ZNF704: variants seen among roughly 807,000 people sequenced by gnomAD.
ZNF704 encodes zinc finger protein 704, also known as glucocorticoid induced gene 1.
ZNF704 carries 10 observed loss-of-function variants against 44.7 expected under a neutral mutation model. The observed-to-expected ratio is 0.22, with a 90% CI of 0.14 to 0.38. The LOEUF (loss-of-function observed/expected upper bound fraction) is 0.38. Among genes scored for constraint, ZNF704 ranks in the 10% least tolerant of loss-of-function variants. The pLI is 1.00. For synonymous variants in ZNF704, 211 were observed against 207.6 expected (o/e 1.02, Z -0.14); for missense variants, 390 against 545.5 (o/e 0.71, Z 2.84).
chr8:80,786,084 A>C (rs1807609125), intron 2 of ZNF704, among the ~76,000 whole-genome samples: 1 of 151,422 alleles, frequency 6.6e-6, no homozygotes, highest in South Asian at 2.1e-4. Flanking sequence ...ACACGGGGAA[A>C]CTCTGTCTCT....
intron 1 of ZNF704, among the ~76,000 whole-genome samples, chr8:80,837,475 G>T (rs1018780755): frequency 1.2e-4 from 18 of 152,092 alleles, no homozygotes. Context: ...AGCAAGACAT[G>T]GTTAAAGTTA....
intron 7 of ZNF704, among the ~76,000 whole-genome samples, chr8:80,649,354 A>G (rs1369083685): frequency 6.6e-6 from 1 of 152,196 alleles, no homozygotes; most frequent in Non-Finnish European, 1.5e-5. Context: ...TGTGAGCCGA[A>G]GCAGGATGAG....
intron 1 of ZNF704, among the ~76,000 whole-genome samples, chr8:80,859,113 A>G (rs1337833868): frequency 6.6e-6 from 1 of 152,184 alleles, no homozygotes; most frequent in Non-Finnish European, 1.5e-5. Context: ...TTTGCTTCAT[A>G]TATTTTGAAG....
At chr8:80,805,886 A>C (rs1807981911) in intron 2 of ZNF704, among the ~76,000 whole-genome samples, 1 of 152,170 alleles carries the variant, frequency 6.6e-6, no homozygotes, top group Non-Finnish European at 1.5e-5. Flanking sequence ...CACTGGTTGC[A>C]TTGATCTCTC....
At chr8:80,851,194 C>A (rs1444517372) in intron 1 of ZNF704, among the ~76,000 whole-genome samples, 1 of 152,068 alleles carries the variant, frequency 6.6e-6, no homozygotes, top group Non-Finnish European at 1.5e-5. Context: ...CTAGAAATAC[C>A]ATTTGACCCA....
chr8:80,687,416 G>A lies in ZNF704; in HGVS notation c.368C>T (p.Ser123Phe). ...CCAGTAGCCGCTGCTGCTGGTGCTG[G>A]AAGGCACGCAGCCGCCCTCCTTCCA... ...GSWKEGGCVPSSTSSSGYWSW... is the reference protein window; with the variant it reads ...GSWKEGGCVPFSTSSSGYWSW... The change falls in exon 4 of 9, where the codon TCC becomes TTC. Residue 123 changes from serine (S) to phenylalanine (F), a missense_variant. Physicochemically the swap from Ser to Phe is radical, Grantham distance 155. Transcript: ENST00000327835. 2 of 1,598,014 alleles carry A rather than the reference G, an allele frequency of 1.3e-6. No homozygotes were observed. Among genetic ancestry groups the A allele is most frequent in the Non-Finnish European group, 1.7e-6 (2 of 1,174,186 alleles).
chr8:80,767,511 C>T (rs894899826), intron 2 of ZNF704, among the ~76,000 whole-genome samples: 7 of 152,242 alleles, frequency 4.6e-5, no homozygotes, highest in African/African-American at 1.7e-4. Context: ...TCGTTTTCTA[C>T]TCACATATAA....
chr8:80,795,796 T>C (rs1293049151), intron 2 of ZNF704, among the ~76,000 whole-genome samples: 3 of 152,280 alleles, frequency 2.0e-5, no homozygotes, highest in South Asian at 2.1e-4. Flanking sequence ...CACCATTTTA[T>C]GATAAATATG....
chr8:80,818,982 A>AT (rs1330252589), intron 2 of ZNF704, among the ~76,000 whole-genome samples: 6 of 151,950 alleles, frequency 3.9e-5, no homozygotes, highest in South Asian at 2.1e-4. Context: ...CCTCATCATC[A>AT]TTTTTTTTAA....
chr8:80,786,372 TC>T (rs1437019704), intron 2 of ZNF704, among the ~76,000 whole-genome samples: 3 of 152,218 alleles, frequency 2.0e-5, no homozygotes, highest in African/African-American at 7.2e-5. Flanking sequence ...AGCTTCTGTG[TC>T]TGTCTGAGGC....
chr8:80,658,827 G>A (rs1307115914), intron 7 of ZNF704: 2 of 152,224 alleles, frequency 1.3e-5, no homozygotes, highest in Admixed American at 6.5e-5. Context: ...GCTTTTGTGA[G>A]GTCCTTGGGG....
In ZNF704 at chr8:80,629,643, T is replaced by A. The variant is rs1817552912; in HGVS notation, c.*11723A>T. The A allele has an allele frequency of 6.6e-6, 1 of 152,124 alleles. No homozygotes were observed. Among genetic ancestry groups the A allele is most frequent in the Non-Finnish European group, 1.5e-5 (1 of 68,034 alleles). 9.4% of individuals were successfully genotyped at this position (152,124 alleles called of 1,614,324 possible). A position where few individuals can be genotyped will look rare whatever the true frequency, so the allele number is the denominator to read the frequency against. ...AGAGGGCTGAAGAAATTTGTGGATA[T>A]TCTATATAGACTTTCCAAAATATAA... On this transcript the variant is annotated 3_prime_UTR_variant, in exon 9 of 9. Transcript: ENST00000327835.
In ZNF704 at chr8:80,638,586, G is replaced by A. The variant is rs746408546; in HGVS notation, c.*2780C>T. 6.6e-5 allele frequency: 10 copies of A among 150,730 alleles called. No homozygotes were observed. Among genetic ancestry groups the A allele is most frequent in the East Asian group, 1.9e-4 (1 of 5,148 alleles). 9.3% of individuals were successfully genotyped at this position (150,730 alleles called of 1,614,324 possible). ...CCAAAATATAACAAAATAATGCTACGTTTAAAAAAAAAAAACCCTAACTTG... is the reference window on the plus strand; with the variant it reads ...CCAAAATATAACAAAATAATGCTACATTTAAAAAAAAAAAACCCTAACTTG... On this transcript the variant is annotated 3_prime_UTR_variant, in exon 9 of 9. Transcript: ENST00000327835.
chr8:80,670,419 A>T, intron 5 of ZNF704, 84 bp downstream of exon 5: 11 of 979,508 alleles, frequency 1.1e-5, no homozygotes, highest in Non-Finnish European at 1.6e-5. Context: ...CCTTTAAGGC[A>T]CAGTGTGGTG....
intron 7 of ZNF704, chr8:80,645,167 C>T (rs950922274): frequency 6.3e-5 from 101 of 1,594,806 alleles, no homozygotes; most frequent in African/African-American, 8.0e-5. Flanking sequence ...TTTGTTTGTG[C>T]GACATGATCG....
chr8:80,649,303 G>A (rs565967396), intron 7 of ZNF704, among the ~76,000 whole-genome samples: 165 of 152,278 alleles, frequency 1.1e-3, no homozygotes, highest in Non-Finnish European at 1.8e-3. Flanking sequence ...ACTGGGAAGT[G>A]TCAGATAGTG....
In ZNF704 at chr8:80,630,744, C is replaced by G. The variant is rs367713843; in HGVS notation, c.*10622G>C. 4.6e-5 allele frequency: 7 copies of G among 152,066 alleles called. No homozygotes were observed. The highest frequency in any genetic ancestry group is 1.5e-5 in the Non-Finnish European group (1 of 68,018). 9.4% of individuals were successfully genotyped at this position (152,066 alleles called of 1,614,324 possible). On this transcript the variant is annotated 3_prime_UTR_variant, in exon 9 of 9. Coordinates refer to ENST00000327835, the MANE Select transcript of ZNF704 (RefSeq NM_001033723.3). Reference sequence around the variant, plus strand: ...CTTCTAAGTATATAGGATTTTGATACGCAAAACACTTTGGAAACTATTCTA... The same window carrying G: ...CTTCTAAGTATATAGGATTTTGATAGGCAAAACACTTTGGAAACTATTCTA...
chr8:80,857,628 G>T (rs1407086356), intron 1 of ZNF704, among the ~76,000 whole-genome samples: 3 of 152,030 alleles, frequency 2.0e-5, no homozygotes, highest in African/African-American at 7.2e-5. Context: ...GATTTGATTT[G>T]CTAATATTTT....
At chr8:80,880,247 T>G in the ZNF704 span, among the ~76,000 whole-genome samples, 1 of 152,240 alleles carries the variant, frequency 6.6e-6, no homozygotes, top group Non-Finnish European at 1.5e-5. Flanking sequence ...GAATGATTTC[T>G]GGATGGCCCA....
Sources: allele counts gnomAD v4.1 joint callset (sites outside exome capture counted in the v4.1 genomes callset), GRCh38; gene constraint gnomAD v4.1.1; transcripts MANE v1.5; gene names NCBI Gene and HGNC (gene_info 2026-07-23, HGNC 2026-07-21).